EDIL3: variants seen among roughly 807,000 people sequenced by gnomAD.
EDIL3 encodes EGF like and discoidin domains 3.
In EDIL3, 37 loss-of-function variants were observed where a neutral mutation model predicts 67.4. The observed-to-expected ratio is 0.55, with a 90% CI of 0.42 to 0.72. The LOEUF (loss-of-function observed/expected upper bound fraction) is 0.72. Among genes scored for constraint, EDIL3 ranks in the 30% least tolerant of loss-of-function variants. EDIL3 has a pLI of 0.00. For missense variants in EDIL3, 527 were observed against 586.3 expected (o/e 0.90, Z 1.04); for synonymous variants, 195 against 196.3 (o/e 0.99, Z 0.05).
At chr5:84,367,533 G>T (rs145325452) in intron 1 of EDIL3, among the ~76,000 whole-genome samples, 3 of 152,280 alleles carry the variant, frequency 2.0e-5, no homozygotes, top group African/African-American at 7.2e-5. Flanking sequence ...TGTAATCCCA[G>T]CACTTTGGGA....
chr5:84,175,441 G>C (rs1456284648), intron 4 of EDIL3, among the ~76,000 whole-genome samples: 2 of 152,098 alleles, frequency 1.3e-5, no homozygotes, highest in Non-Finnish European at 2.9e-5. Context: ...AGTCCATTAG[G>C]CATACCTAAC....
In EDIL3 at chr5:83,963,185, A is replaced by C. The variant is rs1029510228; in HGVS notation, c.1293+20T>G. On this transcript the variant is annotated intron_variant, in intron 10 of 10. Coordinates refer to ENST00000296591, the MANE Select transcript of EDIL3 (RefSeq NM_005711.5). ...TGATCCTCCACTTCTGAACTTTATA[A>C]ACCGATTTGGCTGACTTACCTTATC... 1 of 1,583,720 alleles carries C rather than the reference A, an allele frequency of 6.3e-7. No homozygotes were observed. The highest frequency in any genetic ancestry group is 1.8e-5 in the Admixed American group (1 of 54,566).
chr5:84,371,584 T>C (rs1008127247), intron 1 of EDIL3, among the ~76,000 whole-genome samples: 2 of 151,022 alleles, frequency 1.3e-5, no homozygotes, highest in African/African-American at 4.8e-5. Context: ...TGTGTTGCAT[T>C]ATTATTTAGT....
At chr5:84,225,002 G>A (rs1200974537) in intron 3 of EDIL3, among the ~76,000 whole-genome samples, 2 of 151,464 alleles carry the variant, frequency 1.3e-5, no homozygotes, top group Non-Finnish European at 3.0e-5. Flanking sequence ...GTTCATTGAT[G>A]TGTTTTTATA....
chr5:84,220,202 T>C (rs1744315193), intron 3 of EDIL3, among the ~76,000 whole-genome samples: 1 of 152,188 alleles, frequency 6.6e-6, no homozygotes, highest in East Asian at 1.9e-4. Context: ...TATGCCTGAA[T>C]GAAAATATCT....
chr5:84,169,922 T>C (rs552417045), intron 4 of EDIL3, among the ~76,000 whole-genome samples: 2 of 152,306 alleles, frequency 1.3e-5, no homozygotes, highest in East Asian at 3.9e-4. Context: ...GTGTAATTGC[T>C]GGACTGTATG....
intron 1 of EDIL3, among the ~76,000 whole-genome samples, chr5:84,262,679 T>G (rs964436468): frequency 4.1e-4 from 51 of 124,218 alleles, no homozygotes; most frequent in African/African-American, 1.5e-3. Context: ...TTTTTTTTTT[T>G]TTTTTTTTTT....
intron 6 of EDIL3, among the ~76,000 whole-genome samples, chr5:84,097,216 T>C (rs1485026191): frequency 6.6e-6 from 1 of 152,166 alleles, no homozygotes; most frequent in African/African-American, 2.4e-5. Flanking sequence ...ATTAAGATCA[T>C]AGCCACATTT....
At chr5:84,231,283 G>A (rs1421932139) in intron 2 of EDIL3, among the ~76,000 whole-genome samples, 1 of 152,164 alleles carries the variant, frequency 6.6e-6, no homozygotes. Context: ...AAAGAAGTTT[G>A]TCTGAAGCAG....
chr5:84,101,898 A>C (rs964578296), intron 6 of EDIL3, among the ~76,000 whole-genome samples: 11 of 152,100 alleles, frequency 7.2e-5, no homozygotes, highest in South Asian at 2.1e-4. Flanking sequence ...TATTTTGATG[A>C]ATATCAATTC....
chr5:84,170,873 C>A lies in EDIL3; in HGVS notation c.355+9520G>T, dbSNP rs182648497. 4.8e-3 allele frequency among the ~76,000 whole-genome samples: 737 copies of A among 152,066 alleles called. 6 individuals carry two copies. The highest frequency in any genetic ancestry group is 0.017 in the African/African-American group (711 of 41,444). Reference sequence around the variant, plus strand: ...GCAGGGGTGTGATCTCGGCTCACTGCAACCTCCACCTCCCGGGTTCAAGCA... The same window carrying A: ...GCAGGGGTGTGATCTCGGCTCACTGAAACCTCCACCTCCCGGGTTCAAGCA... On this transcript the variant is annotated intron_variant, in intron 4 of 10. Transcript: ENST00000296591.
At chr5:84,099,443 T>C (rs1359012319) in intron 6 of EDIL3, among the ~76,000 whole-genome samples, 2 of 152,126 alleles carry the variant, frequency 1.3e-5, no homozygotes, top group Non-Finnish European at 2.9e-5. Context: ...AACCATCTGA[T>C]CTTTGACAAA....
chr5:84,282,305 A>G (rs1327726790), intron 1 of EDIL3, among the ~76,000 whole-genome samples: 1 of 152,144 alleles, frequency 6.6e-6, no homozygotes, highest in East Asian at 1.9e-4. Flanking sequence ...ATATGAATGC[A>G]TGATTTGTAC....
chr5:84,062,855 T>G lies in EDIL3; in HGVS notation c.952+1845A>C, dbSNP rs1580306991. Among the ~76,000 whole-genome samples, 3 of 152,088 alleles carry G rather than the reference T, an allele frequency of 2.0e-5. No homozygotes were observed. The East Asian group carries it at 5.8e-4, about 29-fold the overall frequency. ...CTCATGCCACAAATTTTACTTCTTA[T>G]CCATATGATTTCAAGCATATAAATT... is the stretch of plus-strand genomic sequence containing the variant. On this transcript the variant is annotated intron_variant, in intron 8 of 10. Transcript: ENST00000296591.
chr5:84,164,303 G>C (rs1748666270), intron 4 of EDIL3, among the ~76,000 whole-genome samples: 2 of 152,042 alleles, frequency 1.3e-5, no homozygotes, highest in South Asian at 2.1e-4. Context: ...AGCTTTTATA[G>C]TTCTCATTAC....
rs1008172581 is a variant in EDIL3, at chr5:84,371,341, A to ATATATG, written c.67+12966_67+12967insCATATA. 7.5e-4 allele frequency among the ~76,000 whole-genome samples: 97 copies of ATATATG among 129,696 alleles called. 3 individuals carry two copies. The highest frequency in any genetic ancestry group is 2.2e-3 in the African/African-American group (81 of 36,630). 85.1% of individuals were successfully genotyped at this position (129,696 alleles called of 152,430 possible). On this transcript the variant is annotated intron_variant, in intron 1 of 10. Coordinates refer to ENST00000296591, the MANE Select transcript of EDIL3 (RefSeq NM_005711.5). ...AAAGTATATATATATATATATATAT[A>ATATATG]TGTGTGTGTGTATATATATGTGTGT...
intron 5 of EDIL3, among the ~76,000 whole-genome samples, chr5:84,119,114 T>TA (rs1035451317): frequency 4.7e-5 from 7 of 150,088 alleles, no homozygotes; most frequent in African/African-American, 1.7e-4. Context: ...AAATAAGAGA[T>TA]AAAAAGTCGT....
chr5:84,347,042 A>T (rs2112184233), intron 1 of EDIL3, among the ~76,000 whole-genome samples: 1 of 152,360 alleles, frequency 6.6e-6, no homozygotes, highest in South Asian at 2.1e-4. Flanking sequence ...TTGAGAAATT[A>T]CCATAATATC....
intron 3 of EDIL3, among the ~76,000 whole-genome samples, chr5:84,223,483 G>T (rs968477868): frequency 2.0e-5 from 3 of 151,578 alleles, no homozygotes; most frequent in Admixed American, 2.0e-4. Context: ...CAATGTGGAT[G>T]AACCCGGAGG....
Sources: allele counts gnomAD v4.1 joint callset (sites outside exome capture counted in the v4.1 genomes callset), GRCh38; gene constraint gnomAD v4.1.1; transcripts MANE v1.5; gene names NCBI Gene and HGNC (gene_info 2026-07-23, HGNC 2026-07-21).